The following SYT17 variants were observed in gnomAD, a reference collection of about 807,000 sequenced individuals.
SYT17 encodes synaptotagmin 17, also known as synaptotagmin-17.
SYT17 carries 22 observed loss-of-function variants against 46.7 expected under a neutral mutation model. The observed-to-expected ratio is 0.47, with a 90% CI of 0.34 to 0.67. The LOEUF is 0.67. Among genes scored for constraint, SYT17 ranks in the 30% least tolerant of loss-of-function variants. SYT17 has a pLI of 0.01. For missense variants in SYT17, 519 were observed against 612.8 expected (o/e 0.85, Z 1.62); for synonymous variants, 251 against 248.4 (o/e 1.01, Z -0.10).
chr16:19,174,202 C>T (rs909260969), intron 3 of SYT17, among the ~76,000 whole-genome samples: 1 of 152,198 alleles, frequency 6.6e-6, no homozygotes, highest in South Asian at 2.1e-4. Context: ...GCTCTCCTCC[C>T]GCGCCTGCAT....
chr16:19,229,891 A>G (rs553428998), intron 7 of SYT17, among the ~76,000 whole-genome samples: 1 of 152,338 alleles, frequency 6.6e-6, no homozygotes, highest in African/African-American at 2.4e-5. Flanking sequence ...TAGGAAGGAA[A>G]TTCTGACCCA....
intron 5 of SYT17, among the ~76,000 whole-genome samples, chr16:19,190,622 G>A (rs1231187987): frequency 6.6e-6 from 1 of 152,168 alleles, no homozygotes; most frequent in Non-Finnish European, 1.5e-5. Flanking sequence ...GAATCTGACA[G>A]TTCTAGGTAC....
intron 5 of SYT17, among the ~76,000 whole-genome samples, chr16:19,201,332 A>T (rs1965454185): frequency 6.6e-6 from 1 of 152,122 alleles, no homozygotes; most frequent in Non-Finnish European, 1.5e-5. Context: ...GGGAACTGAG[A>T]ACCCTAGGAG....
chr16:19,169,045 C>A (rs922475970), intron 1 of SYT17, among the ~76,000 whole-genome samples: 9 of 151,914 alleles, frequency 5.9e-5, no homozygotes, highest in African/African-American at 2.2e-4. Context: ...CTGCCGTTGC[C>A]GTGGTGACGG....
At chr16:19,254,392 G>A (rs1044737421) in intron 7 of SYT17, among the ~76,000 whole-genome samples, 2 of 152,118 alleles carry the variant, frequency 1.3e-5, no homozygotes, top group African/African-American at 2.4e-5. Flanking sequence ...AGATTCACTC[G>A]GGGAGCATTT....
intron 5 of SYT17, among the ~76,000 whole-genome samples, chr16:19,205,216 C>T (rs1965619635): frequency 6.6e-6 from 1 of 152,180 alleles, no homozygotes; most frequent in Non-Finnish European, 1.5e-5. Flanking sequence ...AAATGAGACT[C>T]AGCCCCTGTA....
intron 5 of SYT17, among the ~76,000 whole-genome samples, chr16:19,221,342 C>A (rs1029401516): frequency 6.6e-6 from 1 of 152,086 alleles, no homozygotes; most frequent in African/African-American, 2.4e-5. Context: ...AGTAAAGAAT[C>A]TTTGTCACTT....
chr16:19,215,632 G>A (rs1966066886), intron 5 of SYT17, among the ~76,000 whole-genome samples: 1 of 151,956 alleles, frequency 6.6e-6, no homozygotes, highest in East Asian at 1.9e-4. Context: ...TACCAGGCTG[G>A]TCTTGAACTC....
At chr16:19,226,557 GC>G (rs1174419589) in intron 7 of SYT17, among the ~76,000 whole-genome samples, 3 of 152,198 alleles carry the variant, frequency 2.0e-5, no homozygotes, top group Non-Finnish European at 4.4e-5. Flanking sequence ...ATCAGGGGAT[GC>G]CTGCCATATG....
At chr16:19,198,539 G>GAAATGAAA (rs773496760) in intron 5 of SYT17, among the ~76,000 whole-genome samples, 133 of 152,266 alleles carry the variant, frequency 8.7e-4, no homozygotes, top group Non-Finnish European at 1.8e-3. Flanking sequence ...CCACCCAGGG[G>GAAATGAAA]CTATTATTAT....
intron 7 of SYT17, among the ~76,000 whole-genome samples, chr16:19,239,861 G>A (rs1428826778): frequency 1.3e-5 from 2 of 152,192 alleles, no homozygotes; most frequent in South Asian, 2.1e-4. Flanking sequence ...GTGAGCAAAC[G>A]AGCATGGGGT....
intron 7 of SYT17, among the ~76,000 whole-genome samples, chr16:19,243,461 T>A (rs548718644): frequency 2.2e-3 from 339 of 152,238 alleles, no homozygotes; most frequent in African/African-American, 7.6e-3. Flanking sequence ...TTGTGCAAGG[T>A]CACCCTTGCC....
chr16:19,236,976 C>T (rs1966857249), intron 7 of SYT17, among the ~76,000 whole-genome samples: 1 of 152,228 alleles, frequency 6.6e-6, no homozygotes, highest in African/African-American at 2.4e-5. Context: ...CATTGCTAGG[C>T]TAGCCAAGAG....
At chr16:19,228,968 G>A (rs1404585693) in intron 7 of SYT17, among the ~76,000 whole-genome samples, 1 of 152,232 alleles carries the variant, frequency 6.6e-6, no homozygotes, top group African/African-American at 2.4e-5. Flanking sequence ...TTGTTTTCCT[G>A]TGTGGGAGGA....
chr16:19,173,299 T>G, intron 2 of SYT17, 131 bp from the exon 3 acceptor site: 2 of 626,276 alleles, frequency 3.2e-6, no homozygotes, highest in South Asian at 4.1e-5. Context: ...GAGCCAGAAC[T>G]CCTGAATGTC....
At chr16:19,192,278 G>T (rs1379710948) in intron 5 of SYT17, among the ~76,000 whole-genome samples, 1 of 151,866 alleles carries the variant, frequency 6.6e-6, no homozygotes, top group Non-Finnish European at 1.5e-5. Flanking sequence ...AAAATTAGCT[G>T]GGTGTGGTGG....
intron 5 of SYT17, among the ~76,000 whole-genome samples, chr16:19,222,458 C>T (rs1423275059): frequency 2.0e-5 from 3 of 152,038 alleles, no homozygotes; most frequent in African/African-American, 7.2e-5. Context: ...GTCACTGTGC[C>T]GAGTGTTGCT....
At chr16:19,231,972 G>A (rs1412819841) in intron 7 of SYT17, among the ~76,000 whole-genome samples, 1 of 152,298 alleles carries the variant, frequency 6.6e-6, no homozygotes, top group East Asian at 1.9e-4. Flanking sequence ...TGTGGAGTGA[G>A]AGGAGCTGAC....
Position 19,183,423 on chromosome 16 carries a change from T to A in SYT17, c.332-105T>A. On this transcript the variant is annotated intron_variant, in intron 4 of 7. Transcript: ENST00000355377. The surrounding 1 kb of genome is among the most constrained non-coding windows in gnomAD (Gnocchi z 5.6). ...AGAGTGTGGAGAAAGATGGCAAAGG[T>A]CATTCTGAAGCAGAGTAAACAATGC... 6.9e-7 allele frequency: 1 copy of A among 1,456,664 alleles called. No homozygotes were observed. The highest frequency in any genetic ancestry group is 9.3e-7 in the Non-Finnish European group (1 of 1,078,296). 90.2% of individuals were successfully genotyped at this position (1,456,664 alleles called of 1,614,324 possible).
Sources: allele counts gnomAD v4.1 joint callset (sites outside exome capture counted in the v4.1 genomes callset), GRCh38; gene constraint gnomAD v4.1.1; non-coding constraint Gnocchi (gnomAD v3.1); transcripts MANE v1.5; gene names NCBI Gene and HGNC (gene_info 2026-07-23, HGNC 2026-07-21).